The following TM4SF4 variants were observed in gnomAD, a reference collection of about 807,000 sequenced individuals.
TM4SF4 encodes the protein transmembrane 4 L six family member 4, also known as transmembrane 4 L6 family member 4.
A neutral mutation model predicts 24.1 loss-of-function variants in TM4SF4; 24 were observed. The observed-to-expected ratio is 1.00, with a 90% CI of 0.72 to 1.40. The LOEUF is 1.40. Ranked by LOEUF, TM4SF4 falls within the 40% of genes most tolerant of loss-of-function variation. The pLI, the probability that TM4SF4 is intolerant of heterozygous loss-of-function variation, is 0.00. For synonymous variants in TM4SF4, 113 were observed against 97.0 expected (o/e 1.17, Z -0.97); for missense variants, 254 against 254.2 (o/e 1.00, Z 0.01).
rs756509127 is a variant in TM4SF4, at chr3:149,498,884, G to A, written c.564G>A (p.Gly188=). ...VVNGLLGTLC[G]DCQCCGCCGG... ...ATGGCCTCCTGGGGACCCTCTGTGGGGACTGCCAGTGTTGTGGCTGCTGTG... is the reference window on the plus strand; with the variant it reads ...ATGGCCTCCTGGGGACCCTCTGTGGAGACTGCCAGTGTTGTGGCTGCTGTG... The change falls in exon 4 of 5, where the codon GGG becomes GGA. Residue 188 remains glycine, a synonymous_variant. Coordinates refer to ENST00000305354, the MANE Select transcript of TM4SF4 (RefSeq NM_004617.4). 1.2e-6 allele frequency: 2 copies of A among 1,613,924 alleles called. No homozygotes were observed. The highest frequency in any genetic ancestry group is 1.7e-6 in the Non-Finnish European group (2 of 1,179,860).
intron 2 of TM4SF4, among the ~76,000 whole-genome samples, chr3:149,484,870 A>G (rs896899925): frequency 6.6e-6 from 1 of 152,186 alleles, no homozygotes; most frequent in African/African-American, 2.4e-5. Flanking sequence ...CCTTTAAACT[A>G]TAACAAGGCC....
intron 4 of TM4SF4, among the ~76,000 whole-genome samples, chr3:149,502,369 G>C (rs1734445884): frequency 6.6e-6 from 1 of 151,818 alleles, no homozygotes; most frequent in Admixed American, 6.6e-5. Flanking sequence ...TACCCCAAAA[G>C]CTATTGAAAT....
At chr3:149,481,035 T>C (rs967906049) in intron 2 of TM4SF4, among the ~76,000 whole-genome samples, 2 of 152,056 alleles carry the variant, frequency 1.3e-5, no homozygotes, top group African/African-American at 4.8e-5. Context: ...TAATTTTTTG[T>C]ATTTTTAGTA....
At chr3:149,482,233 C>A (rs954077208) in intron 2 of TM4SF4, among the ~76,000 whole-genome samples, 4 of 152,220 alleles carry the variant, frequency 2.6e-5, no homozygotes, top group African/African-American at 7.2e-5. Flanking sequence ...TTCCCAAGAT[C>A]ATGAGGGAGG....
At position 149,498,815 on chromosome 3, in the gene TM4SF4, C is replaced by G. The variant is rs370224411; in HGVS notation, c.495C>G (p.Val165=). ...TGACCCTCTTCTCCATCCTGCTGGT[C>G]GTAGGAGGAATCCAGATGGTTCTCT... ...WNLTLFSILL[V]VGGIQMVLCA... Residue 165 remains valine (V), a synonymous_variant, in exon 4 of 5, where the codon GTC becomes GTG. Coordinates refer to ENST00000305354, the MANE Select transcript of TM4SF4 (RefSeq NM_004617.4). 153 of 1,613,856 alleles carry G rather than the reference C, an allele frequency of 9.5e-5. No individual in the cohort carries two copies. The highest frequency in any genetic ancestry group is 3.3e-4 in the Middle Eastern group (2 of 6,084).
Position 149,487,743 on chromosome 3 carries a change from C to A in TM4SF4, c.389C>A (p.Pro130His), listed in dbSNP as rs758079055. Residue 130 changes from proline to histidine, a missense_variant, in exon 3 of 5, where the codon CCC becomes CAC. Physicochemically the swap from Pro to His is moderately conservative, Grantham distance 77. Coordinates refer to ENST00000305354, the MANE Select transcript of TM4SF4 (RefSeq NM_004617.4). ...CLMANSTWGY[P>H]FHDGDYLNDE... The stretch of plus-strand genomic sequence containing the variant: ...ATGGCCAATAGTACATGGGGCTACC[C>A]CTTCCACGACGGGTAAGGCCACACC... 2.5e-6 allele frequency: 4 copies of A among 1,613,860 alleles called. No individual in the cohort carries two copies. Among genetic ancestry groups the A allele is most frequent in the East Asian group, 2.2e-5 (1 of 44,892 alleles).
At chr3:149,475,162 A>C in intron 1 of TM4SF4, 111 bp downstream of exon 1, 76 of 1,214,854 alleles carry the variant, frequency 6.3e-5, no homozygotes, top group Non-Finnish European at 7.5e-5. Flanking sequence ...ATAGAAGCTC[A>C]AGCATTGCAT....
At position 149,474,828 on chromosome 3, in the gene TM4SF4, G is replaced by C. The variant is rs1733894348; in HGVS notation, c.-50G>C. 12 of 1,544,554 alleles carry C rather than the reference G, an allele frequency of 7.8e-6. No homozygotes were observed. Among genetic ancestry groups the C allele is most frequent in the Non-Finnish European group, 1.0e-5 (12 of 1,147,700 alleles). ...AAAACCCTTGAAGAGGCCCCGTGAA[G>C]GAGGCAGTGAGGAGCTTTTGATTGC... On this transcript the variant is annotated 5_prime_UTR_variant, in exon 1 of 5. Transcript: ENST00000305354.
At chr3:149,479,152 G>T (rs918959505) in intron 2 of TM4SF4, among the ~76,000 whole-genome samples, 3 of 151,956 alleles carry the variant, frequency 2.0e-5, no homozygotes, top group Non-Finnish European at 4.4e-5. Context: ...AATTAATCTG[G>T]CACCCCTAGC....
At chr3:149,483,890 C>T (rs1734074421) in intron 2 of TM4SF4, among the ~76,000 whole-genome samples, 1 of 152,058 alleles carries the variant, frequency 6.6e-6, no homozygotes, top group South Asian at 2.1e-4. Flanking sequence ...AAGCAATTCT[C>T]CCACCTCAGC....
At chr3:149,489,864 C>T (rs534710515) in intron 3 of TM4SF4, among the ~76,000 whole-genome samples, 87 of 151,976 alleles carry the variant, frequency 5.7e-4, no homozygotes, top group African/African-American at 1.8e-3. Flanking sequence ...TGCAGGCAAG[C>T]GGGAACATTT....
intron 2 of TM4SF4, among the ~76,000 whole-genome samples, chr3:149,480,751 T>C (rs905237933): frequency 1.3e-5 from 2 of 151,914 alleles, no homozygotes; most frequent in African/African-American, 4.8e-5. Context: ...ATGGAATATA[T>C]TGAAAGAAAA....
In TM4SF4 at chr3:149,502,950, G is replaced by A; in HGVS notation, c.*257G>A. On this transcript the variant is annotated 3_prime_UTR_variant, in exon 5 of 5. Transcript: ENST00000305354. ...AGTTCCTTTTTAGAATTTACCAACA[G>A]GTTCAAAGCATACTTTTCATGATTT... 2.5e-6 allele frequency: 1 copy of A among 404,120 alleles called. No individual in the cohort carries two copies. The highest frequency in any genetic ancestry group is 4.4e-6 in the Non-Finnish European group (1 of 227,700). 25.0% of individuals were successfully genotyped at this position (404,120 alleles called of 1,614,324 possible).
At chr3:149,493,797 C>A (rs1040472665) in intron 3 of TM4SF4, among the ~76,000 whole-genome samples, 1 of 152,128 alleles carries the variant, frequency 6.6e-6, no homozygotes, top group Non-Finnish European at 1.5e-5. Flanking sequence ...AAACACAGAG[C>A]GCTGGGGAGC....
chr3:149,499,824 G>T (rs888012622), intron 4 of TM4SF4, among the ~76,000 whole-genome samples: 1 of 151,402 alleles, frequency 6.6e-6, no homozygotes, highest in Non-Finnish European at 1.5e-5. Context: ...GCAGTGAGCC[G>T]AGATCTCACC....
intron 3 of TM4SF4, among the ~76,000 whole-genome samples, chr3:149,497,002 G>A (rs182187151): frequency 8.4e-4 from 128 of 152,178 alleles, no homozygotes; most frequent in African/African-American, 2.9e-3. Flanking sequence ...AGACCTCCGT[G>A]TCTATTTTTT....
intron 2 of TM4SF4, among the ~76,000 whole-genome samples, chr3:149,481,237 G>T (rs1340587722): frequency 1.3e-5 from 2 of 151,800 alleles, no homozygotes; most frequent in Non-Finnish European, 2.9e-5. Flanking sequence ...TCATAAGGAT[G>T]TTGTAAGTTC....
intron 3 of TM4SF4, among the ~76,000 whole-genome samples, chr3:149,491,453 C>T (rs567255633): frequency 8.6e-5 from 13 of 151,318 alleles, no homozygotes; most frequent in African/African-American, 3.1e-4. Context: ...GCAACAGAGC[C>T]AGACCCTGTC....
chr3:149,479,481 G>T (rs374099522), intron 2 of TM4SF4, among the ~76,000 whole-genome samples: 1 of 151,752 alleles, frequency 6.6e-6, no homozygotes, highest in Non-Finnish European at 1.5e-5. Context: ...TGAGTAGCTG[G>T]TGCTACAGGT....
Sources: allele counts gnomAD v4.1 joint callset (sites outside exome capture counted in the v4.1 genomes callset), GRCh38; gene constraint gnomAD v4.1.1; transcripts MANE v1.5; gene names NCBI Gene and HGNC (gene_info 2026-07-23, HGNC 2026-07-21).